SLCO1A2: variants seen among roughly 807,000 people sequenced by gnomAD.
SLCO1A2 encodes solute carrier organic anion transporter family member 1A2.
SLCO1A2 carries 67 observed loss-of-function variants against 69.0 expected under a neutral mutation model. The observed-to-expected ratio is 0.97, with a 90% CI of 0.80 to 1.19. SLCO1A2 has a LOEUF of 1.19. Ranked by LOEUF, SLCO1A2 falls within the 50% of genes most tolerant of loss-of-function variation. The pLI is 0.00. For synonymous variants in SLCO1A2, 260 were observed against 265.9 expected (o/e 0.98, Z 0.22); for missense variants, 787 against 793.7 (o/e 0.99, Z 0.10).
At chr12:21,344,919 T>C (rs568624477) in intron 2 of SLCO1A2, among the ~76,000 whole-genome samples, 1 of 152,142 alleles carries the variant, frequency 6.6e-6, no homozygotes, top group South Asian at 2.1e-4. Flanking sequence ...CTTTTCTTGA[T>C]AAAATCACTG....
intron 7 of SLCO1A2, 142 bp from the exon 8 acceptor site, chr12:21,300,711 A>G (rs1948609541): frequency 1.6e-6 from 1 of 620,184 alleles, no homozygotes; most frequent in Non-Finnish European, 2.7e-6. Context: ...AATTTTTCTA[A>G]TAATATGTGG....
chr12:21,412,247 G>A (rs902002926), intron 1 of SLCO1A2, among the ~76,000 whole-genome samples: 2 of 152,010 alleles, frequency 1.3e-5, no homozygotes, highest in African/African-American at 4.8e-5. Flanking sequence ...TGGGCATGGT[G>A]GCGGGCGCCT....
intron 1 of SLCO1A2, among the ~76,000 whole-genome samples, chr12:21,409,237 C>T (rs906430415): frequency 2.7e-4 from 41 of 152,248 alleles, no homozygotes; most frequent in Middle Eastern, 3.4e-3. Flanking sequence ...TCATTAAACT[C>T]TAAGACATGG....
intron 2 of SLCO1A2, among the ~76,000 whole-genome samples, chr12:21,329,306 T>G (rs1591850728): frequency 6.6e-6 from 1 of 152,282 alleles, no homozygotes; most frequent in South Asian, 2.1e-4. Flanking sequence ...ACTATCTTCT[T>G]GGTAACCACA....
chr12:21,280,711 A>C (rs1309414992), intron 12 of SLCO1A2, among the ~76,000 whole-genome samples: 1 of 151,750 alleles, frequency 6.6e-6, no homozygotes, highest in South Asian at 2.1e-4. Context: ...ACAAAGAAAC[A>C]TTGGATTTCA....
At chr12:21,287,263 C>T (rs1406798658) in intron 12 of SLCO1A2, among the ~76,000 whole-genome samples, 5 of 150,144 alleles carry the variant, frequency 3.3e-5, no homozygotes, top group African/African-American at 1.2e-4. Context: ...TGAAAAATTG[C>T]TCATCATCAC....
At chr12:21,300,107 CAA>C (rs1393513653) in intron 8 of SLCO1A2, among the ~76,000 whole-genome samples, 1 of 150,530 alleles carries the variant, frequency 6.6e-6, no homozygotes. Context: ...AGGAGAGTGC[CAA>C]GACTGACATA....
intron 9 of SLCO1A2, 51 bp from the exon 10 acceptor site, chr12:21,295,843 A>C (rs751633014): frequency 9.8e-7 from 1 of 1,017,136 alleles, no homozygotes; most frequent in South Asian, 1.5e-5. Flanking sequence ...CAAAGGAACA[A>C]ATATGTTATC....
chr12:21,333,351 G>A (rs1350578822), intron 2 of SLCO1A2, among the ~76,000 whole-genome samples: 1 of 152,070 alleles, frequency 6.6e-6, no homozygotes, highest in South Asian at 2.1e-4. Context: ...AATAATCTCT[G>A]TATTTATAAA....
chr12:21,326,357 G>A (rs777857905), intron 2 of SLCO1A2, among the ~76,000 whole-genome samples: 2 of 152,144 alleles, frequency 1.3e-5, no homozygotes, highest in Admixed American at 6.6e-5. Context: ...ACCCAAAAAT[G>A]TGGAAATGAC....
At chr12:21,407,790 G>A (rs1297136947) in intron 1 of SLCO1A2, among the ~76,000 whole-genome samples, 1 of 147,092 alleles carries the variant, frequency 6.8e-6, no homozygotes, top group Non-Finnish European at 1.5e-5. Context: ...CTGGGTGACA[G>A]AGACCCTGTC....
At chr12:21,412,155 C>A (rs576873506) in intron 1 of SLCO1A2, among the ~76,000 whole-genome samples, 1 of 152,050 alleles carries the variant, frequency 6.6e-6, no homozygotes, top group Non-Finnish European at 1.5e-5. Context: ...CCAAGGCGGG[C>A]GGATCACCTG....
chr12:21,374,366 A>G (rs1337559128), intron 2 of SLCO1A2: 1 of 151,954 alleles, frequency 6.6e-6, no homozygotes, highest in African/African-American at 2.4e-5. Flanking sequence ...CTGAACTTAC[A>G]CACTCTTTAA....
chr12:21,402,395 T>G (rs893221595), intron 1 of SLCO1A2, among the ~76,000 whole-genome samples: 3 of 152,034 alleles, frequency 2.0e-5, no homozygotes, highest in African/African-American at 7.2e-5. Flanking sequence ...TAGACAAAAA[T>G]TATTATAATC....
intron 1 of SLCO1A2, chr12:21,417,759 C>A (rs944581848): frequency 3.3e-5 from 5 of 151,990 alleles, no homozygotes; most frequent in Non-Finnish European, 7.4e-5. Flanking sequence ...ACGAAGTTTC[C>A]TAAACTGTTT....
chr12:21,307,400 T>G (rs1949558060), intron 4 of SLCO1A2, among the ~76,000 whole-genome samples: 1 of 152,128 alleles, frequency 6.6e-6, no homozygotes, highest in Admixed American at 6.5e-5. Context: ...AACTTGGCAT[T>G]CTCTAAAGTT....
At chr12:21,371,932 G>A (rs1472071793) in intron 2 of SLCO1A2, among the ~76,000 whole-genome samples, 2 of 151,470 alleles carry the variant, frequency 1.3e-5, no homozygotes, top group East Asian at 1.9e-4. Flanking sequence ...AACCCGGGAG[G>A]CACAGGTTAC....
At chr12:21,392,634 T>C (rs1373545027) in intron 1 of SLCO1A2, among the ~76,000 whole-genome samples, 1 of 152,212 alleles carries the variant, frequency 6.6e-6, no homozygotes, top group East Asian at 1.9e-4. Context: ...TGATCTCTAG[T>C]GCACCTCTCT....
At chr12:21,281,469 A>T (rs1294054022) in intron 12 of SLCO1A2, among the ~76,000 whole-genome samples, 1 of 152,102 alleles carries the variant, frequency 6.6e-6, no homozygotes, top group East Asian at 1.9e-4. Context: ...AGAAAAGAAA[A>T]AAAACCAATA....
Sources: allele counts gnomAD v4.1 joint callset (sites outside exome capture counted in the v4.1 genomes callset), GRCh38; gene constraint gnomAD v4.1.1; transcripts MANE v1.5; gene names NCBI Gene and HGNC (gene_info 2026-07-23, HGNC 2026-07-21).